FGF9: variants seen among roughly 807,000 people sequenced by gnomAD.
FGF9 encodes the protein fibroblast growth factor 9, also known as fibroblast growth factor 9 (glia-activating factor).
In FGF9, 3 loss-of-function variants were observed where a neutral mutation model predicts 19.9. The observed-to-expected ratio is 0.15, with a 90% CI of 0.07 to 0.39. FGF9 has a LOEUF of 0.39. Ranked by LOEUF, FGF9 falls within the 10% of genes least tolerant of loss-of-function variation. FGF9 has a pLI of 1.00. For missense variants in FGF9, 175 were observed against 256.8 expected (o/e 0.68, Z 2.18); for synonymous variants, 107 against 106.9 (o/e 1.00, Z -0.01).
chr13:21,687,381 T>C (rs1292350271), intron 2 of FGF9, among the ~76,000 whole-genome samples: 1 of 152,232 alleles, frequency 6.6e-6, no homozygotes, highest in Non-Finnish European at 1.5e-5. Context: ...TATTTGAATA[T>C]GTGCACACAT....
At chr13:21,681,990 TTC>T (rs1369433145) in intron 2 of FGF9, among the ~76,000 whole-genome samples, 1 of 152,076 alleles carries the variant, frequency 6.6e-6, no homozygotes, top group Non-Finnish European at 1.5e-5. Flanking sequence ...TAGCGTTTCT[TTC>T]TCTCTTTCTT....
intron 2 of FGF9, among the ~76,000 whole-genome samples, chr13:21,690,112 C>G (rs1284571577): frequency 6.6e-6 from 1 of 152,224 alleles, no homozygotes; most frequent in African/African-American, 2.4e-5. Flanking sequence ...TGAGTTAATA[C>G]TGCTGCACAG....
At chr13:21,685,896 G>T (rs927113725) in intron 2 of FGF9, among the ~76,000 whole-genome samples, 3 of 152,150 alleles carry the variant, frequency 2.0e-5, no homozygotes, top group African/African-American at 7.2e-5. Context: ...AAAATACGCT[G>T]CCAGGTTGAA....
rs201876493 is a variant in FGF9 at position 21,701,324 on chromosome 13, G to A, written c.516G>A (p.Pro172=). ...YYVALNKDGT[P]REGTRTKRHQ... ...TTGCATTAAATAAAGATGGGACCCC[G>A]AGAGAAGGGACTAGGACTAAACGGC... The change falls in exon 3 of 3, where the codon CCG becomes CCA. Residue 172 remains proline, a synonymous_variant. Transcript: ENST00000382353. The A allele has an allele frequency of 1.5e-4, 235 of 1,613,994 alleles. No individual in the cohort carries two copies. The highest frequency in any genetic ancestry group is 2.5e-4 in the Admixed American group (15 of 60,012).
rs753830593 is a variant in FGF9, at chr13:21,691,026, G to T, written c.381+9881G>T. On this transcript the variant is annotated intron_variant, in intron 2 of 2. Transcript: ENST00000382353. The surrounding 1 kb of genome is among the most constrained non-coding windows in gnomAD (Gnocchi z 4.2). ...AGAAACACACATAAAACAAGGTTAC[G>T]TATCTGTTGGCTGACAAAAATCTTA... is the stretch of plus-strand genomic sequence containing the variant. Among the ~76,000 whole-genome samples the T allele has an allele frequency of 6.6e-6, 1 of 152,196 alleles. No individual in the cohort carries two copies. The highest frequency in any genetic ancestry group is 2.4e-5 in the African/African-American group (1 of 41,452).
chr13:21,695,016 G>T (rs1010975922), intron 2 of FGF9, among the ~76,000 whole-genome samples: 1 of 151,894 alleles, frequency 6.6e-6, no homozygotes, highest in African/African-American at 2.4e-5. Context: ...TCTGTCCTTG[G>T]CAGCAGACTG....
intron 2 of FGF9, among the ~76,000 whole-genome samples, chr13:21,687,549 G>A (rs1872190190): frequency 6.6e-6 from 1 of 152,208 alleles, no homozygotes; most frequent in African/African-American, 2.4e-5. Context: ...CTGAGACGAA[G>A]ATGCTGCCTC....
intron 1 of FGF9, among the ~76,000 whole-genome samples, chr13:21,675,071 GAGGGGAGCGGAAGCCCCGGCCC>G (rs1350272100): frequency 6.6e-6 from 1 of 151,316 alleles, no homozygotes; most frequent in African/African-American, 2.4e-5. Context: ...TGTTGGATGG[GAGGGGAGCGGAAGCCCCGGCCC>G]AGGTTGGGGA....
intron 1 of FGF9, among the ~76,000 whole-genome samples, chr13:21,680,047 C>T (rs1565949389): frequency 2.6e-5 from 4 of 151,166 alleles, no homozygotes; most frequent in Non-Finnish European, 5.9e-5. Flanking sequence ...GAAATTGAAA[C>T]TGCTGTTGTG....
At position 21,704,429 on chromosome 13, in the gene FGF9, C is replaced by T. The variant is rs1266733355; in HGVS notation, c.*2994C>T. ...AACCTTGTGTTATTTACTTGATAAT[C>T]TGTAATTGTATGTAAATACATACAG... On this transcript the variant is annotated 3_prime_UTR_variant, in exon 3 of 3. Transcript: ENST00000382353. 6.6e-6 allele frequency: 1 copy of T among 152,146 alleles called. No individual in the cohort carries two copies. Among genetic ancestry groups the T allele is most frequent in the Non-Finnish European group, 1.5e-5 (1 of 68,038 alleles). 9.4% of individuals were successfully genotyped at this position (152,146 alleles called of 1,614,324 possible). A position where few individuals can be genotyped will look rare whatever the true frequency, so the allele number is the denominator to read the frequency against.
intron 2 of FGF9, among the ~76,000 whole-genome samples, chr13:21,693,453 A>G (rs1422397180): frequency 2.0e-5 from 3 of 152,152 alleles, no homozygotes; most frequent in African/African-American, 7.2e-5. Context: ...GAAATATCAT[A>G]TAGTGCCCAG....
chr13:21,696,344 C>G (rs1872409950), intron 2 of FGF9, among the ~76,000 whole-genome samples: 1 of 152,100 alleles, frequency 6.6e-6, no homozygotes, highest in African/African-American at 2.4e-5. Context: ...GATTTTGTTC[C>G]AAAGCATGGA....
intron 2 of FGF9, among the ~76,000 whole-genome samples, chr13:21,697,453 A>G (rs1428739321): frequency 2.0e-5 from 3 of 152,048 alleles, no homozygotes; most frequent in African/African-American, 7.2e-5. Context: ...GGCCAATGAT[A>G]CTGTTTGAAA....
intron 2 of FGF9, 139 bp from the exon 3 acceptor site, chr13:21,701,051 G>T: frequency 1.5e-6 from 1 of 656,032 alleles, no homozygotes; most frequent in Non-Finnish European, 2.7e-6. Flanking sequence ...TGGGGTACAT[G>T]TGTAGGATGC....
intron 2 of FGF9, among the ~76,000 whole-genome samples, chr13:21,692,283 TC>T (rs979895600): frequency 5.3e-5 from 8 of 152,156 alleles, no homozygotes; most frequent in African/African-American, 1.9e-4. Context: ...CCCTTCCTTT[TC>T]CCCCCTTCTT....
intron 2 of FGF9, among the ~76,000 whole-genome samples, chr13:21,699,056 G>C (rs576706122): frequency 6.6e-6 from 1 of 152,294 alleles, no homozygotes; most frequent in Admixed American, 6.5e-5. Flanking sequence ...ACTTCTATCC[G>C]TTTCAATAGA....
chr13:21,679,896 G>C (rs1417450649), intron 1 of FGF9, among the ~76,000 whole-genome samples: 1 of 148,978 alleles, frequency 6.7e-6, no homozygotes, highest in Non-Finnish European at 1.5e-5. Flanking sequence ...GGCGGAGCTT[G>C]CAGTGAGCCA....
intron 1 of FGF9, among the ~76,000 whole-genome samples, chr13:21,675,067 A>C (rs1461873078): frequency 6.9e-6 from 1 of 144,620 alleles, no homozygotes; most frequent in South Asian, 2.3e-4. Context: ...GTAGTGTTGG[A>C]TGGGAGGGGA....
intron 1 of FGF9, among the ~76,000 whole-genome samples, chr13:21,676,406 T>G (rs1179986135): frequency 6.6e-6 from 1 of 152,192 alleles, no homozygotes; most frequent in Non-Finnish European, 1.5e-5. Context: ...TTAATTCTGT[T>G]CTATGTATCT....
Sources: gnomAD v4.1 joint callset for allele counts (sites outside exome capture counted in the v4.1 genomes callset) on GRCh38, gnomAD v4.1.1 for gene constraint, Gnocchi (gnomAD v3.1) non-coding constraint, MANE v1.5 for transcripts, NCBI Gene and HGNC (gene_info 2026-07-23, HGNC 2026-07-21) for gene names.